ZFPM2: variants seen among roughly 807,000 people sequenced by gnomAD.
The protein encoded by ZFPM2 is zinc finger protein, FOG family member 2.
ZFPM2 carries 20 observed loss-of-function variants against 98.6 expected under a neutral mutation model. The ratio of observed to expected loss-of-function variants is 0.20; its 90% CI spans 0.14 to 0.29. The LOEUF (loss-of-function observed/expected upper bound fraction) is 0.29, where lower values mean the gene tolerates loss of function less well. Ranked by LOEUF, ZFPM2 falls within the 10% of genes least tolerant of loss-of-function variation. ZFPM2 has a pLI of 1.00. For missense variants in ZFPM2, 1,310 were observed against 1,388.6 expected, an observed-to-expected ratio of 0.94 and a Z score of 0.90; for synonymous variants, 518 against 502.7, an observed-to-expected ratio of 1.03 and a Z score of -0.41.
At chr8:105,381,242 G>GATGAAGGTTCATATCCTGC (rs1237008240) in intron 1 of ZFPM2, among the ~76,000 whole-genome samples, 2 of 151,320 alleles carry the variant, frequency 1.3e-5, no homozygotes, top group African/African-American at 4.9e-5. Context: ...CTTGTCCCTG[G>GATGAAGGTTCATATCCTGC]ATGAAGGTTC....
chr8:105,669,419 A>T (rs932458606), intron 5 of ZFPM2, among the ~76,000 whole-genome samples: 1 of 150,732 alleles, frequency 6.6e-6, no homozygotes, highest in Admixed American at 6.6e-5. Flanking sequence ...GCAAATATAT[A>T]TATATATATT....
At chr8:105,534,305 T>C (rs1191508670) in intron 3 of ZFPM2, among the ~76,000 whole-genome samples, 2 of 108,284 alleles carry the variant, frequency 1.8e-5, no homozygotes, top group African/African-American at 8.0e-5. Context: ...CTTCCTTCCT[T>C]CCTCCCATCT....
At chr8:105,390,690 C>A (rs561563821) in intron 1 of ZFPM2, among the ~76,000 whole-genome samples, 1 of 152,036 alleles carries the variant, frequency 6.6e-6, no homozygotes, top group African/African-American at 2.4e-5. Flanking sequence ...GGACAAAGAC[C>A]AGACAAATTC....
chr8:105,634,984 C>T (rs1424183817), intron 5 of ZFPM2, among the ~76,000 whole-genome samples: 1 of 152,140 alleles, frequency 6.6e-6, no homozygotes, highest in Non-Finnish European at 1.5e-5. Context: ...AGCAGCAGCT[C>T]CATGATGGCA....
At chr8:105,573,663 G>T (rs1256806505) in intron 4 of ZFPM2, among the ~76,000 whole-genome samples, 1 of 152,170 alleles carries the variant, frequency 6.6e-6, no homozygotes, top group African/African-American at 2.4e-5. Flanking sequence ...TTGCAATAAA[G>T]ACAAATTAAA....
intron 1 of ZFPM2, among the ~76,000 whole-genome samples, chr8:105,400,157 A>ACT (rs1345370605): frequency 6.6e-6 from 1 of 150,510 alleles, no homozygotes; most frequent in Non-Finnish European, 1.5e-5. Context: ...CTAAAATATC[A>ACT]CTCCCTGCTC....
At chr8:105,605,361 A>G (rs1174458791) in intron 4 of ZFPM2, among the ~76,000 whole-genome samples, 3 of 152,096 alleles carry the variant, frequency 2.0e-5, no homozygotes, top group Non-Finnish European at 4.4e-5. Context: ...ACATTATGCA[A>G]TATTTGAAAT....
At chr8:105,576,737 A>G (rs948268480) in intron 4 of ZFPM2, among the ~76,000 whole-genome samples, 3 of 152,076 alleles carry the variant, frequency 2.0e-5, no homozygotes, top group South Asian at 2.1e-4. Context: ...GTATTTTTAT[A>G]TGGTCATTTA....
At chr8:105,691,015 C>A (rs1048028171) in intron 5 of ZFPM2, 1 of 152,056 alleles carries the variant, frequency 6.6e-6, no homozygotes, top group African/African-American at 2.4e-5. Flanking sequence ...TGGCATTTGA[C>A]CCCAATCTGT....
intron 3 of ZFPM2, among the ~76,000 whole-genome samples, chr8:105,558,011 C>A (rs1246212752): frequency 6.6e-6 from 1 of 152,130 alleles, no homozygotes; most frequent in Non-Finnish European, 1.5e-5. Context: ...ACCAAACACT[C>A]AGGAAAGATA....
intron 6 of ZFPM2, among the ~76,000 whole-genome samples, chr8:105,794,561 G>T (rs970149753): frequency 4.6e-5 from 7 of 152,220 alleles, no homozygotes; most frequent in Non-Finnish European, 7.3e-5. Flanking sequence ...CAGTCTGCGG[G>T]TTCTCAGATC....
At chr8:105,423,470 T>C (rs1229327799) in intron 2 of ZFPM2, among the ~76,000 whole-genome samples, 4 of 152,220 alleles carry the variant, frequency 2.6e-5, no homozygotes, top group African/African-American at 9.6e-5. Flanking sequence ...CAATTTACAT[T>C]GTCATCTTTT....
intron 1 of ZFPM2, among the ~76,000 whole-genome samples, chr8:105,329,503 ATAT>A (rs1211431649): frequency 6.6e-6 from 1 of 151,846 alleles, no homozygotes; most frequent in South Asian, 2.1e-4. Flanking sequence ...ATCATATTTC[ATAT>A]TATACTTTGC....
intron 1 of ZFPM2, among the ~76,000 whole-genome samples, chr8:105,333,998 A>G (rs1283864630): frequency 1.3e-5 from 2 of 151,632 alleles, no homozygotes; most frequent in African/African-American, 2.4e-5. Flanking sequence ...TTCAGTTTTT[A>G]ACCAAATATA....
At chr8:105,406,222 A>G (rs1811455520) in intron 1 of ZFPM2, among the ~76,000 whole-genome samples, 2 of 152,026 alleles carry the variant, frequency 1.3e-5, no homozygotes, top group Admixed American at 6.6e-5. Context: ...CCCATTCTGT[A>G]GGTTGCCTGT....
intron 3 of ZFPM2, among the ~76,000 whole-genome samples, chr8:105,476,364 C>G (rs971760903): frequency 7.9e-5 from 12 of 152,172 alleles, no homozygotes; most frequent in African/African-American, 2.7e-4. Context: ...AGCCTGAATC[C>G]TATTGTGAAC....
chr8:105,374,687 G>A (rs2129833247), intron 1 of ZFPM2, among the ~76,000 whole-genome samples: 1 of 152,226 alleles, frequency 6.6e-6, no homozygotes, highest in Admixed American at 6.5e-5. Flanking sequence ...AGTGTCACAG[G>A]TGAGGAGAAG....
intron 5 of ZFPM2, chr8:105,785,063 C>T (rs547148054): frequency 1.3e-5 from 2 of 151,974 alleles, no homozygotes; most frequent in East Asian, 3.9e-4. Context: ...TTGAGATACC[C>T]CAAGTTTCTT....
rs77047475 is a variant in ZFPM2 at position 105,321,242 on chromosome 8, A to T, written c.40+2261A>T. ...TCAGGCATAAGAGGCAGTTTCGCAG[A>T]TGGAGAAGTTTGTGTTGATATCCAA... On this transcript the variant is annotated intron_variant, in intron 1 of 7. Coordinates refer to ENST00000407775, the MANE Select transcript of ZFPM2 (RefSeq NM_012082.4). Among the ~76,000 whole-genome samples, 493 of 152,280 alleles carry T rather than the reference A, an allele frequency of 3.2e-3. 25 individuals carry two copies. The East Asian group carries it at 0.083, about 26-fold the overall frequency.
Sources: allele counts gnomAD v4.1 joint callset (sites outside exome capture counted in the v4.1 genomes callset), GRCh38; gene constraint gnomAD v4.1.1; transcripts MANE v1.5; gene names NCBI Gene and HGNC (gene_info 2026-07-23, HGNC 2026-07-21).